MITF: variants seen among roughly 807,000 people sequenced by gnomAD.
The protein encoded by MITF is microphthalmia-associated transcription factor.
A neutral mutation model predicts 60.5 loss-of-function variants in MITF; 17 were observed. The ratio of observed to expected loss-of-function variants is 0.28; its 90% confidence interval spans 0.19 to 0.42. MITF has a LOEUF of 0.42. MITF is among the 10% of genes least tolerant of loss of function. The pLI, the probability that MITF is intolerant of heterozygous loss-of-function variation, is 1.00. For synonymous variants in MITF, 260 were observed against 248.5 expected (o/e 1.05, Z -0.43); for missense variants, 622 against 683.5 (o/e 0.91, Z 1.00).
At chr3:69,791,156 T>C (rs1197695949) in intron 1 of MITF, among the ~76,000 whole-genome samples, 1 of 152,222 alleles carries the variant, frequency 6.6e-6, no homozygotes, top group Non-Finnish European at 1.5e-5. Flanking sequence ...AATATAGATG[T>C]GTTAAATTTC....
chr3:69,908,348 A>G (rs949336483), intron 2 of MITF, among the ~76,000 whole-genome samples: 10 of 151,992 alleles, frequency 6.6e-5, no homozygotes, highest in Non-Finnish European at 1.3e-4. Context: ...AGACAAAGCA[A>G]AAACAATAAA....
intron 1 of MITF, among the ~76,000 whole-genome samples, chr3:69,858,953 C>A (rs957170465): frequency 5.9e-5 from 9 of 152,072 alleles, no homozygotes; most frequent in Non-Finnish European, 1.3e-4. Context: ...TTTTCTTGTA[C>A]CATGTTAAGT....
intron 1 of MITF, among the ~76,000 whole-genome samples, chr3:69,839,025 T>G (rs549916814): frequency 2.8e-4 from 42 of 152,302 alleles, no homozygotes; most frequent in Non-Finnish European, 5.6e-4. Flanking sequence ...ATGGTTTAGA[T>G]TTTGCTGAGT....
At chr3:69,816,709 A>G (rs1380930783) in intron 1 of MITF, among the ~76,000 whole-genome samples, 1 of 152,164 alleles carries the variant, frequency 6.6e-6, no homozygotes, top group Non-Finnish European at 1.5e-5. Context: ...GGTAGTACCT[A>G]ATTCATAGGG....
chr3:69,965,900 G>A lies in MITF; in HGVS notation c.*652G>A. 1 of 231,036 alleles carries A rather than the reference G, an allele frequency of 4.3e-6. No individual in the cohort carries two copies. Among genetic ancestry groups the A allele is most frequent in the Non-Finnish European group, 8.6e-6 (1 of 116,894 alleles). 14.3% of individuals were successfully genotyped at this position (231,036 alleles called of 1,614,324 possible). A position where few individuals can be genotyped will look rare whatever the true frequency, so the allele number is the denominator to read the frequency against. On this transcript the variant is annotated 3_prime_UTR_variant, in exon 10 of 10. Coordinates refer to ENST00000352241, the MANE Select transcript of MITF (RefSeq NM_001354604.2). ...CCGAAACTGAAGGGAGTTAGACCAA[G>A]GCTCTGAAATATAAAGTCTAATCTT...
intron 1 of MITF, among the ~76,000 whole-genome samples, chr3:69,749,716 C>G (rs1303048975): frequency 6.6e-6 from 1 of 152,184 alleles, no homozygotes; most frequent in Non-Finnish European, 1.5e-5. Flanking sequence ...CCATTTGCTG[C>G]AAAGAAGCAT....
rs200221440 is a variant in MITF, at chr3:69,809,626, ATTTTTTTT to A, written c.105-69498_105-69491del. 2.1e-5 allele frequency among the ~76,000 whole-genome samples: 3 copies of A among 139,540 alleles called. No individual in the cohort carries two copies. In the South Asian group the frequency reaches 6.8e-4, roughly 32 times the overall value. 91.5% of individuals were successfully genotyped at this position (139,540 alleles called of 152,430 possible). A position where few individuals can be genotyped will look rare whatever the true frequency, so the allele number is the denominator to read the frequency against. On this transcript the variant is annotated intron_variant, in intron 1 of 9. Transcript: ENST00000352241. ...GTATAAACATCAATGAACTAAGTAC[ATTTTTTTT>A]TTTTTTTTTGGCAGAAGACTTGCTA...
At chr3:69,763,427 T>A (rs1283857337) in intron 1 of MITF, 2 of 707,248 alleles carry the variant, frequency 2.8e-6, no homozygotes, top group Admixed American at 1.1e-4. Context: ...TTACCTTTTA[T>A]GATTACCATC....
intron 1 of MITF, chr3:69,764,033 C>A: frequency 9.4e-7 from 1 of 1,058,680 alleles, no homozygotes; most frequent in Non-Finnish European, 1.3e-6. Flanking sequence ...CGTATGAAAT[C>A]TTTGGTTCTT....
chr3:69,742,866 T>C (rs1703580133), intron 1 of MITF, among the ~76,000 whole-genome samples: 1 of 152,234 alleles, frequency 6.6e-6, no homozygotes. Flanking sequence ...TTGCGATTGC[T>C]GTTCCTCCAA....
chr3:69,913,001 T>A (rs1375300557), intron 2 of MITF, among the ~76,000 whole-genome samples: 1 of 152,206 alleles, frequency 6.6e-6, no homozygotes, highest in Non-Finnish European at 1.5e-5. Flanking sequence ...ATTTGGTGGC[T>A]GCTTTTGAAA....
rs2062899064 is a variant in MITF, at chr3:69,800,357, T to C, written c.104+60656T>C. ...TTTTGTTTATTCATTTTTCAGCTGA[T>C]GGACATTTGAATTGCTTCCACTTTT... is the stretch of plus-strand genomic sequence containing the variant. On this transcript the variant is annotated intron_variant, in intron 1 of 9. Coordinates refer to ENST00000352241, the MANE Select transcript of MITF (RefSeq NM_001354604.2). Among the ~76,000 whole-genome samples the C allele has an allele frequency of 2.0e-5, 3 of 152,180 alleles. No individual in the cohort carries two copies. In the East Asian group the frequency reaches 5.8e-4, roughly 29 times the overall value.
At chr3:69,789,759 G>A (rs1315003511) in intron 1 of MITF, among the ~76,000 whole-genome samples, 2 of 152,134 alleles carry the variant, frequency 1.3e-5, no homozygotes, top group Non-Finnish European at 2.9e-5. Flanking sequence ...GGGAGGCTGA[G>A]GCGTGCGAAT....
rs1002011296 is a variant in MITF, at chr3:69,967,657, T to A, written c.*2409T>A. On this transcript the variant is annotated 3_prime_UTR_variant, in exon 10 of 10. Coordinates refer to ENST00000352241, the MANE Select transcript of MITF (RefSeq NM_001354604.2). ...CTCCCCTTCTCCTTAAGAGACAATT[T>A]CTGCAGGTGGCAGGTGAGCAAGCCC... 1.7e-5 allele frequency: 4 copies of A among 233,116 alleles called. No individual in the cohort carries two copies. The allele number at this position is 233,116 out of a possible 1,614,324, so 14.4% of individuals were successfully genotyped here.
intron 8 of MITF, among the ~76,000 whole-genome samples, chr3:69,958,007 A>G (rs935305972): frequency 3.3e-5 from 5 of 152,124 alleles, no homozygotes; most frequent in African/African-American, 1.2e-4. Context: ...TATAATGGAG[A>G]TCTATATTCA....
intron 1 of MITF, among the ~76,000 whole-genome samples, chr3:69,843,698 C>T (rs1413480039): frequency 6.6e-6 from 1 of 152,130 alleles, no homozygotes; most frequent in East Asian, 1.9e-4. Context: ...TTTTCTTCCT[C>T]TTTATGGCCA....
At chr3:69,846,823 A>AC (rs2063741126) in intron 1 of MITF, among the ~76,000 whole-genome samples, 1 of 151,698 alleles carries the variant, frequency 6.6e-6, no homozygotes, top group Admixed American at 6.6e-5. Context: ...TCTCAAAAAA[A>AC]AAAAAAAAAA....
At position 69,948,994 on chromosome 3, in the gene MITF, G is replaced by GA. The variant is rs1376482228; in HGVS notation, c.763-51dup. The GA allele has an allele frequency of 3.1e-6, 4 of 1,299,766 alleles. No individual in the cohort carries two copies. The East Asian group carries it at 6.9e-5, about 23-fold the overall frequency. 80.5% of individuals were successfully genotyped at this position (1,299,766 alleles called of 1,614,324 possible). A position where few individuals can be genotyped will look rare whatever the true frequency, so the allele number is the denominator to read the frequency against. ...CTAGAGTAGGATATAGGTTTTATCT[G>GA]AAAAAACATGGGAATTGTTCAACAG... On this transcript the variant is annotated intron_variant, in intron 5 of 9. Transcript: ENST00000352241.
chr3:69,871,856 A>G (rs2064244973), intron 1 of MITF, among the ~76,000 whole-genome samples: 1 of 152,068 alleles, frequency 6.6e-6, no homozygotes, highest in Non-Finnish European at 1.5e-5. Flanking sequence ...TTAGTTTGTC[A>G]TTGTGTTAGA....
Sources: gnomAD v4.1 joint callset for allele counts (sites outside exome capture counted in the v4.1 genomes callset) on GRCh38, gnomAD v4.1.1 for gene constraint, MANE v1.5 for transcripts, NCBI Gene and HGNC (gene_info 2026-07-23, HGNC 2026-07-21) for gene names.